Variants in ZC4H2 observed in about 807,000 individuals in gnomAD.
ZC4H2 encodes zinc finger C4H2 domain-containing protein.
For synonymous variants in ZC4H2, 84 were observed against 66.3 expected, an observed-to-expected ratio of 1.27 and a Z score of -1.30; for missense variants, 137 against 173.9, an observed-to-expected ratio of 0.79 and a Z score of 1.19.
At chrX:64,982,190 C>G (rs1056442031) in intron 1 of ZC4H2, among the ~76,000 whole-genome samples, 1 of 111,813 alleles carries the variant, frequency 8.9e-6, no homozygotes, top group Non-Finnish European at 1.9e-5. Context: ...CAATTCTCAC[C>G]TCTTTGAGAG....
rs1928910506 is a variant in ZC4H2, at chrX:64,916,157, T to C, written c.*1626A>G. ...CTTTTAAGTTTTTGGAGGTTCAGTA[T>C]CCCTTTTTTTTTAAAATGGTGATAA... On this transcript the variant is annotated 3_prime_UTR_variant, in exon 5 of 5. Coordinates refer to ENST00000374839, the MANE Select transcript of ZC4H2 (RefSeq NM_018684.4). The C allele has an allele frequency of 8.9e-6, 1 of 111,910 alleles. No individual in the cohort carries two copies. Among genetic ancestry groups the C allele is most frequent in the Non-Finnish European group, 1.9e-5 (1 of 53,216 alleles). The allele number at this position is 111,910 out of a possible 1,213,427, so 9.2% of individuals were successfully genotyped here. A position where few individuals can be genotyped will look rare whatever the true frequency, so the allele number is the denominator to read the frequency against.
At chrX:65,018,386 G>A (rs923569768) in intron 1 of ZC4H2, among the ~76,000 whole-genome samples, 14 of 112,293 alleles carry the variant, frequency 1.2e-4, no homozygotes, top group African/African-American at 3.9e-4. Context: ...AGGGCAGGAC[G>A]AAGCAGAGTG....
intron 1 of ZC4H2, among the ~76,000 whole-genome samples, chrX:64,996,286 C>G (rs1222387853): frequency 9.1e-6 from 1 of 110,360 alleles, no homozygotes; most frequent in Non-Finnish European, 1.9e-5. Context: ...TAACCACAGA[C>G]AAGAAATACA....
At chrX:64,919,961 C>T in intron 3 of ZC4H2, 120 bp downstream of exon 3, 2 of 760,858 alleles carry the variant, frequency 2.6e-6, no homozygotes, top group Non-Finnish European at 3.6e-6. Context: ...TAAAACTAGG[C>T]ACTCTGACTT....
chrX:64,944,334 G>A (rs1376903377), intron 1 of ZC4H2, among the ~76,000 whole-genome samples: 1 of 107,956 alleles, frequency 9.3e-6, no homozygotes, highest in Non-Finnish European at 1.9e-5. Context: ...TAGTAGAGAC[G>A]GGGTTTCACC....
intron 1 of ZC4H2, among the ~76,000 whole-genome samples, chrX:64,951,404 T>G (rs1260788382): frequency 3.6e-5 from 4 of 111,863 alleles, no homozygotes; most frequent in Non-Finnish European, 7.5e-5. Context: ...TGAACTAGTT[T>G]ACAGTCCCAC....
At chrX:65,012,224 C>CAAAAAAAAAAAAAAAAAAAAAAAAA (rs10606871) in intron 1 of ZC4H2, among the ~76,000 whole-genome samples, 5 of 25,318 alleles carry the variant, frequency 2.0e-4, no homozygotes, top group Admixed American at 6.0e-4. Flanking sequence ...GACCCCGTCT[C>CAAAAAAAAAAAAAAAAAAAAAAAAA]AAAAAAAAAA....
At chrX:65,013,068 G>C (rs1932772658) in intron 1 of ZC4H2, among the ~76,000 whole-genome samples, 1 of 111,368 alleles carries the variant, frequency 9.0e-6, no homozygotes, top group African/African-American at 3.3e-5. Flanking sequence ...AAAATCTCAG[G>C]CGTGCTAGCA....
At chrX:64,992,757 A>G (rs1177340609) in intron 1 of ZC4H2, among the ~76,000 whole-genome samples, 1 of 111,187 alleles carries the variant, frequency 9.0e-6, no homozygotes, top group Non-Finnish European at 1.9e-5. Context: ...CATACCAAGC[A>G]CTATCAAGGC....
At chrX:65,003,047 T>A in intron 1 of ZC4H2, among the ~76,000 whole-genome samples, 1 of 99,102 alleles carries the variant, frequency 1.0e-5, no homozygotes. Context: ...CACCCAAGAA[T>A]GATCAATAAA....
At chrX:64,924,722 T>C (rs1463237123) in intron 1 of ZC4H2, among the ~76,000 whole-genome samples, 2 of 110,549 alleles carry the variant, frequency 1.8e-5, no homozygotes, top group Admixed American at 9.7e-5. Context: ...ACAAAAAGAA[T>C]AGCATGAGTA....
upstream of ZC4H2, among the ~76,000 whole-genome samples, chrX:64,979,132 A>G (rs1602435347): frequency 8.9e-6 from 1 of 112,129 alleles, no homozygotes; most frequent in Non-Finnish European, 1.9e-5. Context: ...CAAGAGAGGC[A>G]AAGGACTTGT....
intron 1 of ZC4H2, among the ~76,000 whole-genome samples, chrX:65,028,730 C>G (rs1336803032): frequency 9.0e-6 from 1 of 111,172 alleles, no homozygotes; most frequent in African/African-American, 3.3e-5. Flanking sequence ...CAGGGTTTCA[C>G]CATGTTGGCC....
chrX:65,005,908 G>T (rs1347897446), intron 1 of ZC4H2, among the ~76,000 whole-genome samples: 2 of 109,917 alleles, frequency 1.8e-5, no homozygotes, highest in African/African-American at 6.6e-5. Flanking sequence ...GAGATGAACA[G>T]AAACTTCTCA....
At chrX:64,951,843 G>A (rs1930856310) in intron 1 of ZC4H2, among the ~76,000 whole-genome samples, 1 of 111,381 alleles carries the variant, frequency 9.0e-6, no homozygotes, top group Admixed American at 9.5e-5. Flanking sequence ...TGTTGCCATT[G>A]CTCTTGGTGT....
chrX:64,977,903 G>A (rs1047491882), upstream of ZC4H2, among the ~76,000 whole-genome samples: 3 of 111,762 alleles, frequency 2.7e-5, no homozygotes, highest in Non-Finnish European at 5.6e-5. Context: ...ATTTTAGAGA[G>A]GGACTCTGGA....
At chrX:64,943,733 AGATGGGTCTCCTTAATACAGAACAGT>A (rs1329245169) in intron 1 of ZC4H2, among the ~76,000 whole-genome samples, 7 of 111,273 alleles carry the variant, frequency 6.3e-5, no homozygotes, top group Admixed American at 5.7e-4. Flanking sequence ...TTTGCACATG[AGATGGGTCTCCTTAATACAGAACAGT>A]GATGGGTCTT....
At chrX:64,991,272 GTTTA>G (rs1932302835) in intron 1 of ZC4H2, among the ~76,000 whole-genome samples, 1 of 112,029 alleles carries the variant, frequency 8.9e-6, no homozygotes, top group Non-Finnish European at 1.9e-5. Context: ...TTGTATAAGA[GTTTA>G]TTTAGGCATT....
chrX:64,965,053 T>C (rs1374766550), intron 1 of ZC4H2, among the ~76,000 whole-genome samples: 2 of 111,879 alleles, frequency 1.8e-5, no homozygotes, highest in East Asian at 5.6e-4. Context: ...TATCTTGGGT[T>C]AGATCCTAGA....
Sources: allele counts gnomAD v4.1 joint callset (sites outside exome capture counted in the v4.1 genomes callset), GRCh38; gene constraint gnomAD v4.1.1; transcripts MANE v1.5; gene names NCBI Gene and HGNC (gene_info 2026-07-23, HGNC 2026-07-21).